PRKG1: variants seen among roughly 807,000 people sequenced by gnomAD.
The protein encoded by PRKG1 is protein kinase cGMP-dependent 1.
PRKG1 carries 35 observed loss-of-function variants against 88.1 expected under a neutral mutation model. The ratio of observed to expected loss-of-function variants is 0.40; its 90% CI spans 0.30 to 0.53. The LOEUF is 0.53. PRKG1 is among the 20% of genes least tolerant of loss of function. The pLI, the probability that PRKG1 is intolerant of heterozygous loss-of-function variation, is 0.59. For missense variants in PRKG1, 540 were observed against 839.8 expected, an observed-to-expected ratio of 0.64 and a Z score of 4.41; for synonymous variants, 303 against 292.5, an observed-to-expected ratio of 1.04 and a Z score of -0.37.
intron 1 of PRKG1, among the ~76,000 whole-genome samples, chr10:51,053,342 C>A (rs1231525126): frequency 6.6e-6 from 1 of 152,102 alleles, no homozygotes; most frequent in Non-Finnish European, 1.5e-5. Context: ...GAGATACACT[C>A]TCCAAAGAAA....
chr10:51,588,373 G>A (rs1445826423), intron 3 of PRKG1, among the ~76,000 whole-genome samples: 1 of 149,168 alleles, frequency 6.7e-6, no homozygotes. Flanking sequence ...ATATAAAAAG[G>A]CCTGCAGTTT....
chr10:51,791,699 G>T (rs571143673), intron 3 of PRKG1, among the ~76,000 whole-genome samples: 1 of 152,196 alleles, frequency 6.6e-6, no homozygotes, highest in South Asian at 2.1e-4. Flanking sequence ...AGTGGCAAAA[G>T]TCACTAAGGA....
intron 12 of PRKG1, among the ~76,000 whole-genome samples, chr10:52,276,701 A>G (rs1841881867): frequency 6.6e-6 from 1 of 152,176 alleles, no homozygotes; most frequent in Non-Finnish European, 1.5e-5. Context: ...AAGGCAAGTG[A>G]TTTATTTCTT....
intron 3 of PRKG1, among the ~76,000 whole-genome samples, chr10:51,551,398 G>T (rs1237800217): frequency 6.6e-6 from 1 of 151,654 alleles, no homozygotes; most frequent in African/African-American, 2.4e-5. Flanking sequence ...TCCTGAAATG[G>T]CAATATAATA....
At chr10:51,467,585 G>T (rs776221862) in intron 2 of PRKG1, 138 bp from the exon 3 acceptor site, 4 of 550,952 alleles carry the variant, frequency 7.3e-6, no homozygotes, top group South Asian at 3.3e-5. Flanking sequence ...TATTTCTTGC[G>T]CTGCCTCGTG....
At chr10:51,952,589 T>C (rs1259541627) in intron 5 of PRKG1, among the ~76,000 whole-genome samples, 1 of 152,226 alleles carries the variant, frequency 6.6e-6, no homozygotes, top group Non-Finnish European at 1.5e-5. Flanking sequence ...ACATTGCAAA[T>C]GCTTAATAAA....
At chr10:51,072,854 C>T (rs993346133), upstream of PRKG1, among the ~76,000 whole-genome samples, 5 of 152,182 alleles carry the variant, frequency 3.3e-5, no homozygotes, top group African/African-American at 1.2e-4. Flanking sequence ...TCCTCTGTCT[C>T]TAGCTTAAAT....
Position 51,504,409 on chromosome 10 carries a change from C to G in PRKG1, c.592+36573C>G, listed in dbSNP as rs143530929. ...TAGTTTGAAGTCAGGTAGTGAGATG[C>G]CTCCAGCTTTGTTCTTTTGGCTTAG... On this transcript the variant is annotated intron_variant, in intron 3 of 17. Transcript: ENST00000373980. Among the ~76,000 whole-genome samples the G allele has an allele frequency of 3.8e-3, 580 of 152,258 alleles. 11 individuals carry two copies. The East Asian group carries it at 0.044, about 11-fold the overall frequency.
chr10:51,242,199 C>G (rs1238792499), intron 2 of PRKG1, among the ~76,000 whole-genome samples: 2 of 152,044 alleles, frequency 1.3e-5, no homozygotes, highest in African/African-American at 4.8e-5. Flanking sequence ...AGCCCAATAA[C>G]CAAGCGCAAG....
intron 2 of PRKG1, among the ~76,000 whole-genome samples, chr10:51,183,113 G>A (rs1473516902): frequency 6.6e-6 from 1 of 152,050 alleles, no homozygotes; most frequent in East Asian, 1.9e-4. Context: ...AGATGGAAAG[G>A]GGCTTTTTGG....
rs527655187 is a variant in PRKG1 at position 51,583,010 on chromosome 10, A to C, written c.592+115174A>C. On this transcript the variant is annotated intron_variant, in intron 3 of 17. Coordinates refer to ENST00000373980, the MANE Select transcript of PRKG1 (RefSeq NM_006258.4). ...TGTAGTGATGTAGCTGGCAAGACTT[A>C]TGTTTGTTGGAAGATACAGTTGATT... is the stretch of plus-strand genomic sequence containing the variant. Among the ~76,000 whole-genome samples the C allele has an allele frequency of 4.2e-4, 64 of 152,254 alleles. 1 individual carries two copies. The highest frequency in any genetic ancestry group is 1.5e-3 in the African/African-American group (64 of 41,580).
chr10:51,380,105 T>A (rs930679980), intron 2 of PRKG1, among the ~76,000 whole-genome samples: 1 of 152,180 alleles, frequency 6.6e-6, no homozygotes, highest in African/African-American at 2.4e-5. Context: ...TTGCACTCTC[T>A]CTCTACCCCC....
At position 52,264,695 on chromosome 10, in the gene PRKG1, G is replaced by A. The variant is rs116157396; in HGVS notation, c.1174-6655G>A. Among the ~76,000 whole-genome samples, 498 of 151,938 alleles carry A rather than the reference G, an allele frequency of 3.3e-3. 2 individuals are homozygous for A. Among genetic ancestry groups the A allele is most frequent in the African/African-American group, 0.011 (474 of 41,458 alleles). On this transcript the variant is annotated intron_variant, in intron 10 of 17. Coordinates refer to ENST00000373980, the MANE Select transcript of PRKG1 (RefSeq NM_006258.4). ...CCTATTTTGCAGCTATTACAATTACGGTGACTCTGCCTGGATTCCCTTATG... is the reference window on the plus strand; with the variant it reads ...CCTATTTTGCAGCTATTACAATTACAGTGACTCTGCCTGGATTCCCTTATG...
intron 2 of PRKG1, among the ~76,000 whole-genome samples, chr10:51,396,676 A>G (rs1185302599): frequency 6.6e-6 from 1 of 152,244 alleles, no homozygotes; most frequent in African/African-American, 2.4e-5. Flanking sequence ...TGCTCAGCTG[A>G]AAAACGGGAA....
chr10:51,029,279 T>A (rs1402667076), intron 1 of PRKG1, among the ~76,000 whole-genome samples: 1 of 152,184 alleles, frequency 6.6e-6, no homozygotes, highest in Non-Finnish European at 1.5e-5. Flanking sequence ...CAGGTATTAT[T>A]CATTTGGCAT....
chr10:52,097,165 AG>A (rs898018121), intron 7 of PRKG1, among the ~76,000 whole-genome samples: 23 of 152,204 alleles, frequency 1.5e-4, no homozygotes, highest in African/African-American at 5.1e-4. Flanking sequence ...ACATAGATCC[AG>A]GGGTCCCTCC....
chr10:51,586,461 C>G (rs1225045461), intron 3 of PRKG1, among the ~76,000 whole-genome samples: 1 of 152,072 alleles, frequency 6.6e-6, no homozygotes, highest in African/African-American at 2.4e-5. Flanking sequence ...AAAATGGACA[C>G]ATTTTATAAC....
At chr10:51,047,641 G>T (rs1168695843) in intron 1 of PRKG1, among the ~76,000 whole-genome samples, 1 of 147,228 alleles carries the variant, frequency 6.8e-6, no homozygotes. Context: ...AAAAAGAGGA[G>T]ATGTTGCATC....
chr10:51,466,546 A>G (rs1490576982), intron 2 of PRKG1, among the ~76,000 whole-genome samples: 2 of 152,050 alleles, frequency 1.3e-5, no homozygotes, highest in Non-Finnish European at 2.9e-5. Context: ...ACGTACCACT[A>G]GTATATGGAT....
Sources: gnomAD v4.1 joint callset for allele counts (sites outside exome capture counted in the v4.1 genomes callset) on GRCh38, gnomAD v4.1.1 for gene constraint, MANE v1.5 for transcripts, NCBI Gene and HGNC (gene_info 2026-07-23, HGNC 2026-07-21) for gene names.